AFG1L: variants seen among roughly 807,000 people sequenced by gnomAD.
AFG1L encodes AFG1-like ATPase.
Under a neutral mutation model 62.2 loss-of-function variants are expected in AFG1L, and 53 were observed. The ratio of observed to expected loss-of-function variants is 0.85; its 90% confidence interval spans 0.68 to 1.07. The LOEUF (loss-of-function observed/expected upper bound fraction) is 1.07. AFG1L is among the 50% of genes least tolerant of loss of function. The pLI is 0.00. For missense variants in AFG1L, 555 were observed against 590.5 expected (o/e 0.94, Z 0.62); for synonymous variants, 228 against 210.3 (o/e 1.08, Z -0.73).
At chr6:108,383,310 G>A (rs1174017098) in intron 6 of AFG1L, among the ~76,000 whole-genome samples, 1 of 152,110 alleles carries the variant, frequency 6.6e-6, no homozygotes, top group South Asian at 2.1e-4. Context: ...CTAGAGCAAA[G>A]AGAAGTATGT....
chr6:108,473,887 T>C (rs1332200848), intron 8 of AFG1L, among the ~76,000 whole-genome samples: 1 of 152,222 alleles, frequency 6.6e-6, no homozygotes, highest in African/African-American at 2.4e-5. Context: ...ATATATTTTA[T>C]TTTAAGTTTG....
chr6:108,518,013 A>G (rs1175948522), intron 11 of AFG1L, among the ~76,000 whole-genome samples: 3 of 152,196 alleles, frequency 2.0e-5, no homozygotes, highest in South Asian at 2.1e-4. Flanking sequence ...AACAGGTGCT[A>G]GAGAGGATGT....
chr6:108,363,066 C>T (rs116530532), intron 5 of AFG1L, among the ~76,000 whole-genome samples: 1,646 of 152,064 alleles, frequency 0.011, 28 homozygotes, highest in African/African-American at 0.037. Context: ...ACTAGGGAGA[C>T]GAATGGTAAT....
At chr6:108,363,187 A>G (rs553366818) in intron 5 of AFG1L, among the ~76,000 whole-genome samples, 1 of 152,254 alleles carries the variant, frequency 6.6e-6, no homozygotes, top group African/African-American at 2.4e-5. Flanking sequence ...AATGCTCTTC[A>G]TTAGTTTGGT....
intron 5 of AFG1L, chr6:108,359,182 A>G (rs1779424235): frequency 6.6e-6 from 1 of 152,196 alleles, no homozygotes; most frequent in African/African-American, 2.4e-5. Flanking sequence ...CCTAGGGCTT[A>G]CAAGAGTCAT....
intron 11 of AFG1L, among the ~76,000 whole-genome samples, chr6:108,513,376 G>C (rs957618615): frequency 2.0e-5 from 3 of 152,242 alleles, no homozygotes. Context: ...AAGGAAAGGG[G>C]TGACAGATGG....
intron 10 of AFG1L, among the ~76,000 whole-genome samples, chr6:108,485,656 A>ATTTTT (rs397842829): frequency 1.2e-4 from 3 of 25,032 alleles, no homozygotes; most frequent in African/African-American, 5.2e-4. Flanking sequence ...ATATATATAT[A>ATTTTT]TTTTTTTTTT....
At chr6:108,361,049 G>T (rs902419096) in intron 5 of AFG1L, among the ~76,000 whole-genome samples, 11 of 152,256 alleles carry the variant, frequency 7.2e-5, no homozygotes, top group Non-Finnish European at 4.4e-5. Flanking sequence ...CTGGACATAG[G>T]TGTTTACAGC....
intron 6 of AFG1L, among the ~76,000 whole-genome samples, chr6:108,382,524 GA>G (rs958264218): frequency 9.2e-5 from 14 of 152,082 alleles, no homozygotes; most frequent in African/African-American, 2.4e-4. Flanking sequence ...CTTCTAGGGG[GA>G]AAAAATACAA....
intron 8 of AFG1L, among the ~76,000 whole-genome samples, chr6:108,452,244 G>T (rs1245428634): frequency 6.6e-6 from 1 of 152,166 alleles, no homozygotes; most frequent in African/African-American, 2.4e-5. Flanking sequence ...AATACTAGAG[G>T]TTATTATTTT....
intron 7 of AFG1L, among the ~76,000 whole-genome samples, chr6:108,407,688 A>G (rs1227770384): frequency 1.3e-5 from 1 of 79,386 alleles, no homozygotes. Context: ...CTGTCTCTGG[A>G]AATTAAAAAA....
intron 11 of AFG1L, among the ~76,000 whole-genome samples, chr6:108,517,098 A>C (rs781740033): frequency 6.6e-6 from 1 of 152,226 alleles, no homozygotes; most frequent in Non-Finnish European, 1.5e-5. Context: ...TATAAATTCA[A>C]TGCCATCCCC....
At chr6:108,433,302 CAG>C (rs1279254545) in intron 7 of AFG1L, among the ~76,000 whole-genome samples, 1 of 151,866 alleles carries the variant, frequency 6.6e-6, no homozygotes, top group African/African-American at 2.4e-5. Context: ...TTTTGAGAGA[CAG>C]AGTCTTGCTC....
chr6:108,459,069 G>T (rs1256530708), intron 8 of AFG1L, among the ~76,000 whole-genome samples: 1 of 152,116 alleles, frequency 6.6e-6, no homozygotes, highest in Non-Finnish European at 1.5e-5. Flanking sequence ...GAGGGAACAT[G>T]AACTATTCCT....
At chr6:108,303,616 A>G (rs1777092302) in intron 1 of AFG1L, among the ~76,000 whole-genome samples, 1 of 152,156 alleles carries the variant, frequency 6.6e-6, no homozygotes, top group South Asian at 2.1e-4. Context: ...CTCCCATCCC[A>G]GAAGCTACTC....
chr6:108,398,550 T>C (rs1781414812), intron 6 of AFG1L, among the ~76,000 whole-genome samples: 1 of 152,222 alleles, frequency 6.6e-6, no homozygotes, highest in Admixed American at 6.5e-5. Context: ...TCCTGGAGAG[T>C]TTCCCCAATG....
chr6:108,322,490 C>CCCAT (rs1777852771), intron 1 of AFG1L, among the ~76,000 whole-genome samples: 1 of 152,150 alleles, frequency 6.6e-6, no homozygotes, highest in African/African-American at 2.4e-5. Context: ...AACCTGCTCA[C>CCCAT]ATGGCCATAC....
At chr6:108,355,138 G>C (rs1156657242) in intron 3 of AFG1L, among the ~76,000 whole-genome samples, 1 of 145,556 alleles carries the variant, frequency 6.9e-6, no homozygotes, top group Admixed American at 6.9e-5. Context: ...TGGGGGTCTC[G>C]CTATGTTTCC....
intron 1 of AFG1L, chr6:108,318,056 T>A (rs946906178): frequency 6.5e-6 from 1 of 153,698 alleles, no homozygotes; most frequent in Non-Finnish European, 1.4e-5. Flanking sequence ...ATGTGTTTTC[T>A]TGTAGATAGC....
Sources: allele counts gnomAD v4.1 joint callset (sites outside exome capture counted in the v4.1 genomes callset), GRCh38; gene constraint gnomAD v4.1.1; transcripts MANE v1.5; gene names NCBI Gene and HGNC (gene_info 2026-07-23, HGNC 2026-07-21).